The following SHC4 variants were observed in gnomAD, a reference collection of about 807,000 sequenced individuals.
SHC4 encodes the protein SHC adaptor protein 4.
SHC4 carries 41 observed loss-of-function variants against 69.4 expected under a neutral mutation model. The observed-to-expected ratio is 0.59, with a 90% confidence interval of 0.46 to 0.77. The LOEUF is 0.77. Ranked by LOEUF, SHC4 falls within the 30% of genes least tolerant of loss-of-function variation. The pLI, the probability that SHC4 is intolerant of heterozygous loss-of-function variation, is 0.00. For synonymous variants in SHC4, 318 were observed against 299.3 expected (o/e 1.06, Z -0.64); for missense variants, 777 against 783.8 (o/e 0.99, Z 0.10).
intron 10 of SHC4, among the ~76,000 whole-genome samples, chr15:48,837,342 A>T (rs1012510767): frequency 1.3e-5 from 2 of 152,258 alleles, no homozygotes; most frequent in Non-Finnish European, 2.9e-5. Context: ...GCCAGAATAG[A>T]TAACAATTTG....
intron 10 of SHC4, 126 bp downstream of exon 10, chr15:48,843,271 TCCTAGAAGGAAC>T: frequency 1.3e-6 from 1 of 773,064 alleles, no homozygotes; most frequent in Non-Finnish European, 2.1e-6. Context: ...CTTCCAGAGG[TCCTAGAAGGAAC>T]CAACCCTGCT....
At chr15:48,843,661 T>C in intron 9 of SHC4, 73 bp from the exon 10 acceptor site, 2 of 1,386,652 alleles carry the variant, frequency 1.4e-6, no homozygotes, top group Admixed American at 2.0e-5. Flanking sequence ...TGTTTGAGTC[T>C]AGAATTGATA....
chr15:48,938,282 G>C (rs1326198416), intron 1 of SHC4: 1 of 152,160 alleles, frequency 6.6e-6, no homozygotes, highest in East Asian at 1.9e-4. Flanking sequence ...ACATTCAGAA[G>C]AGAAGAAGCC....
At chr15:48,931,817 A>G (rs1900971237) in intron 1 of SHC4, among the ~76,000 whole-genome samples, 1 of 152,096 alleles carries the variant, frequency 6.6e-6, no homozygotes, top group African/African-American at 2.4e-5. Context: ...CCCCAGAGAA[A>G]GAGTATCTGA....
chr15:48,829,783 G>A (rs1480438720), intron 11 of SHC4, among the ~76,000 whole-genome samples: 2 of 152,300 alleles, frequency 1.3e-5, no homozygotes, highest in African/African-American at 2.4e-5. Context: ...GCTGGGCATG[G>A]TGGCGCACCC....
Position 48,963,415 on chromosome 15 carries a change from A to C in SHC4, c.-400T>G. The C allele has an allele frequency of 5.1e-6, 1 of 197,416 alleles. No homozygotes were observed. The highest frequency in any genetic ancestry group is 1.0e-5 in the Non-Finnish European group (1 of 97,196). 12.2% of individuals were successfully genotyped at this position (197,416 alleles called of 1,614,324 possible). A position where few individuals can be genotyped will look rare whatever the true frequency, so the allele number is the denominator to read the frequency against. On this transcript the variant is annotated 5_prime_UTR_variant, in exon 1 of 12. Coordinates refer to ENST00000332408, the MANE Select transcript of SHC4 (RefSeq NM_203349.4). ...GCCTAGTAGAAATATTTAGCACCCG[A>C]CTCCCACCCTCACCCCAGCCTTCTG...
chr15:48,910,671 C>G (rs571936614), intron 2 of SHC4, among the ~76,000 whole-genome samples: 1 of 152,106 alleles, frequency 6.6e-6, no homozygotes, highest in African/African-American at 2.4e-5. Context: ...TCTGTTTGTG[C>G]TCTTTCAGTC....
intron 10 of SHC4, among the ~76,000 whole-genome samples, chr15:48,836,623 A>C (rs1898903262): frequency 6.6e-6 from 1 of 152,106 alleles, no homozygotes; most frequent in Admixed American, 6.6e-5. Context: ...AACACAAAGA[A>C]GTGTTTATGT....
chr15:48,926,467 T>A (rs924719683), intron 1 of SHC4, among the ~76,000 whole-genome samples: 5 of 151,906 alleles, frequency 3.3e-5, no homozygotes, highest in Admixed American at 6.6e-5. Flanking sequence ...ATTTCTTTTT[T>A]TTTTTTTTCT....
At chr15:48,874,354 C>T (rs184344712) in intron 4 of SHC4, among the ~76,000 whole-genome samples, 109 of 152,232 alleles carry the variant, frequency 7.2e-4, no homozygotes, top group Non-Finnish European at 5.3e-4. Flanking sequence ...AGCAGGGGCT[C>T]CCGACTCCCC....
At chr15:48,913,860 C>A (rs944873281) in intron 2 of SHC4, among the ~76,000 whole-genome samples, 2 of 152,218 alleles carry the variant, frequency 1.3e-5, no homozygotes, top group Non-Finnish European at 2.9e-5. Flanking sequence ...CTCCCGCAAA[C>A]AGATCTTCAG....
rs746971637 is a variant in SHC4, at chr15:48,962,835, G to A, written c.181C>T (p.Pro61Ser). The change falls in exon 1 of 12, where the codon CCC (proline) becomes TCC (serine). Residue 61 changes from proline to serine, a missense_variant. Coordinates refer to ENST00000332408, the MANE Select transcript of SHC4 (RefSeq NM_203349.4). ...GNKGSPQPPH[P>S]ALAPHLPTED... ...GTCGGCAGGTGAGGTGCCAGGGCGGGGTGGGGAGGCTGCGGCGAGCCCTTG... is the reference window on the plus strand; with the variant it reads ...GTCGGCAGGTGAGGTGCCAGGGCGGAGTGGGGAGGCTGCGGCGAGCCCTTG... The A allele has an allele frequency of 1.9e-6, 3 of 1,612,928 alleles. No individual in the cohort carries two copies. The highest frequency in any genetic ancestry group is 2.5e-6 in the Non-Finnish European group (3 of 1,180,008).
chr15:48,889,476 G>T (rs1452179675), intron 3 of SHC4, among the ~76,000 whole-genome samples: 1 of 152,190 alleles, frequency 6.6e-6, no homozygotes, highest in Non-Finnish European at 1.5e-5. Context: ...AGTGACTCAG[G>T]CAAATATCAT....
chr15:48,880,562 T>C (rs1567060308), intron 4 of SHC4, among the ~76,000 whole-genome samples: 1 of 151,788 alleles, frequency 6.6e-6, no homozygotes, highest in South Asian at 2.1e-4. Flanking sequence ...GTCCACAAAC[T>C]AGAAGGTTGT....
intron 4 of SHC4, chr15:48,878,053 C>G: frequency 7.7e-7 from 1 of 1,297,474 alleles, no homozygotes; most frequent in Non-Finnish European, 1.1e-6. Flanking sequence ...GAGGCGGTAC[C>G]TGAGGACCAC....
chr15:48,962,687 C>T lies in SHC4; in HGVS notation c.329G>A (p.Gly110Asp). Residue 110 changes from glycine (G) to aspartate (D), a missense_variant, in exon 1 of 12, where the codon GGT (glycine) becomes GAT (aspartate). Coordinates refer to ENST00000332408, the MANE Select transcript of SHC4 (RefSeq NM_203349.4). ...TLLSLKNFCL[G>D]TKEVPRLKLQ... ...CTTCAGCCGAGGCACCTCTTTGGTA[C>T]CCAGGCAAAAGTTTTTCAGACTCAG... 1.9e-6 allele frequency: 3 copies of T among 1,614,170 alleles called. No individual in the cohort carries two copies. The highest frequency in any genetic ancestry group is 2.5e-6 in the Non-Finnish European group (3 of 1,180,040).
chr15:48,944,614 A>G (rs1298590459), intron 1 of SHC4, among the ~76,000 whole-genome samples: 2 of 152,176 alleles, frequency 1.3e-5, no homozygotes, highest in Non-Finnish European at 2.9e-5. Flanking sequence ...CAACCTACCT[A>G]ACATGAACAA....
chr15:48,895,001 C>T lies in SHC4; in HGVS notation c.657-4190G>A, dbSNP rs145086832. On this transcript the variant is annotated intron_variant, in intron 2 of 11. Transcript: ENST00000332408. ...TTTATTTTTTGTAGAGACAGGGTCTCCCTATGTTGCCTGGGTTGGTCTTGA... is the reference window on the plus strand; with the variant it reads ...TTTATTTTTTGTAGAGACAGGGTCTTCCTATGTTGCCTGGGTTGGTCTTGA... Among the ~76,000 whole-genome samples, 255 of 152,092 alleles carry T rather than the reference C, an allele frequency of 1.7e-3. 4 individuals are homozygous for T. The East Asian group carries it at 0.017, about 10-fold the overall frequency.
chr15:48,951,870 T>A (rs533287772), intron 1 of SHC4, among the ~76,000 whole-genome samples: 53 of 152,348 alleles, frequency 3.5e-4, no homozygotes, highest in Middle Eastern at 3.4e-3. Context: ...TACAGTAATG[T>A]GTGTGGACAT....
Sources: gnomAD v4.1 joint callset for allele counts (sites outside exome capture counted in the v4.1 genomes callset) on GRCh38, gnomAD v4.1.1 for gene constraint, MANE v1.5 for transcripts, NCBI Gene and HGNC (gene_info 2026-07-23, HGNC 2026-07-21) for gene names.